MAPT: variants seen among roughly 807,000 people sequenced by gnomAD.
MAPT encodes microtubule associated protein tau.
MAPT carries 34 observed loss-of-function variants against 67.9 expected under a neutral mutation model. The ratio of observed to expected loss-of-function variants is 0.50; its 90% CI spans 0.38 to 0.67. The LOEUF is 0.67. MAPT is among the 30% of genes least tolerant of loss of function. MAPT has a pLI of 0.00. For missense variants in MAPT, 881 were observed against 1,115.2 expected, an observed-to-expected ratio of 0.79 and a Z score of 2.99; for synonymous variants, 456 against 464.5, an observed-to-expected ratio of 0.98 and a Z score of 0.23.
At chr17:45,924,083 A>G (rs948185532) in intron 1 of MAPT, among the ~76,000 whole-genome samples, 7 of 152,194 alleles carry the variant, frequency 4.6e-5, no homozygotes, top group Non-Finnish European at 1.0e-4. Flanking sequence ...ACAACCTTAC[A>G]TTTCACAACC....
At chr17:45,922,410 C>T (rs2065827628) in intron 1 of MAPT, among the ~76,000 whole-genome samples, 1 of 151,536 alleles carries the variant, frequency 6.6e-6, no homozygotes, top group Non-Finnish European at 1.5e-5. Context: ...ATGTCTGGCA[C>T]TTCTAATTCA....
intron 1 of MAPT, among the ~76,000 whole-genome samples, chr17:45,946,907 A>G (rs1297808339): frequency 2.0e-5 from 3 of 152,104 alleles, no homozygotes; most frequent in African/African-American, 7.2e-5. Flanking sequence ...ACACAGTGGC[A>G]CCACCTCCTC....
rs1195804704 is a variant in MAPT, at chr17:45,941,717, T to TCCTGCCTTCCTTCCCTCCTG, written c.-17-20601_-17-20600insGCCTTCCTTCCCTCCTGCCT. Reference sequence around the variant, plus strand: ...TTCCTTCCTGCCTGCCTTCCTTCCTTCCTTCCTTCCTTCCTTCCTTCCTTC... The same window carrying TCCTGCCTTCCTTCCCTCCTG: ...TTCCTTCCTGCCTGCCTTCCTTCCTTCCTGCCTTCCTTCCCTCCTGCCTTCCTTCCTTCCTTCCTTCCTTC... On this transcript the variant is annotated intron_variant, in intron 1 of 12. Coordinates refer to ENST00000262410, the MANE Select transcript of MAPT (RefSeq NM_001377265.1). Among the ~76,000 whole-genome samples the TCCTGCCTTCCTTCCCTCCTG allele has an allele frequency of 2.3e-5, 2 of 88,380 alleles. 1 individual carries two copies. The highest frequency in any genetic ancestry group is 4.3e-5 in the Non-Finnish European group (2 of 46,016). 58.0% of individuals were successfully genotyped at this position (88,380 alleles called of 152,430 possible).
chr17:45,908,865 T>C (rs1260055360), intron 1 of MAPT, among the ~76,000 whole-genome samples: 1 of 152,182 alleles, frequency 6.6e-6, no homozygotes, highest in Non-Finnish European at 1.5e-5. Context: ...CCCACCCTAG[T>C]TTCTGTTTTA....
At position 45,990,133 on chromosome 17, in the gene MAPT, GGTTT is replaced by G. The variant is rs2073945742; in HGVS notation, c.1605+63_1605+66del. On this transcript the variant is annotated intron_variant, in intron 7 of 12. Transcript: ENST00000262410. ...GCTCTGCTGTGGTTTGCAAATGTGG[GGTTT>G]GTTTATTTGTTTTTTAGCCTCAAAG... The G allele has an allele frequency of 3.3e-6, 5 of 1,520,840 alleles. No individual in the cohort carries two copies. In the South Asian group the frequency reaches 4.5e-5, roughly 14 times the overall value. The allele number at this position is 1,520,840 out of a possible 1,614,324, so 94.2% of individuals were successfully genotyped here. A position where few individuals can be genotyped will look rare whatever the true frequency, so the allele number is the denominator to read the frequency against.
intron 2 of MAPT, among the ~76,000 whole-genome samples, chr17:45,966,795 A>G (rs2071133110): frequency 6.6e-6 from 1 of 152,236 alleles, no homozygotes; most frequent in South Asian, 2.1e-4. Context: ...GTGTGTGTAT[A>G]TATATATGCA....
Position 45,974,483 on chromosome 17 carries a change from C to G in MAPT, c.220+2538C>G, listed in dbSNP as rs368845248. 22 of 1,583,662 alleles carry G rather than the reference C, an allele frequency of 1.4e-5. No individual in the cohort carries two copies. The highest frequency in any genetic ancestry group is 6.8e-5 in the East Asian group (3 of 43,838). ...AGAAGGAACCACAGGTGAGGGTAAG[C>G]CCCAGAGACCCCCAGGCAGTCAAGG... On this transcript the variant is annotated intron_variant, in intron 3 of 12. Transcript: ENST00000262410.
chr17:45,919,074 AAAAAAG>A (rs1179436964), intron 1 of MAPT, among the ~76,000 whole-genome samples: 1 of 151,896 alleles, frequency 6.6e-6, no homozygotes, highest in Non-Finnish European at 1.5e-5. Context: ...TAAAAAAAAA[AAAAAAG>A]AAAAGAAAAA....
rs900377471 is a variant in MAPT, at chr17:46,010,060, C to A, written c.1999-250C>A. Among the ~76,000 whole-genome samples the A allele has an allele frequency of 6.6e-6, 1 of 152,196 alleles. No homozygotes were observed. Among genetic ancestry groups the A allele is most frequent in the Non-Finnish European group, 1.5e-5 (1 of 68,034 alleles). ...TGCAATCCCAGCTTCGTAAAGCCCG[C>A]TGGAAATCACTCACACTTCTGGGAT... On this transcript the variant is annotated intron_variant, in intron 9 of 12. Coordinates refer to ENST00000262410, the MANE Select transcript of MAPT (RefSeq NM_001377265.1). The surrounding 1 kb of genome is among the most constrained non-coding windows in gnomAD (Gnocchi z 4.7).
At chr17:45,978,284 G>A (rs2072587367) in intron 3 of MAPT, 91 bp from the exon 4 acceptor site, 1 of 1,027,580 alleles carries the variant, frequency 9.7e-7, no homozygotes, top group Non-Finnish European at 1.5e-6. Context: ...AATGTTTAAG[G>A]GAAAATGCCC....
At chr17:45,941,879 G>A (rs1227903159) in intron 1 of MAPT, among the ~76,000 whole-genome samples, 1 of 151,972 alleles carries the variant, frequency 6.6e-6, no homozygotes, top group East Asian at 1.9e-4. Flanking sequence ...TGTTCTTGGG[G>A]CCCAGAACCT....
chr17:45,996,606 A>G lies in MAPT; in HGVS notation c.1940A>G (p.Asn647Ser). The G allele has an allele frequency of 3.7e-6, 6 of 1,613,934 alleles. No individual in the cohort carries two copies. Among genetic ancestry groups the G allele is most frequent in the Non-Finnish European group, 5.1e-6 (6 of 1,179,938 alleles). ...TAPVPMPDLK[N>S]VKSKIGSTEN... is the part of the protein sequence containing the mutation. ...CCCGTGCCCATGCCAGACCTGAAGA[A>G]TGTCAAGTCCAAGATCGGCTCCACT... Residue 647 changes from asparagine (N) to serine (S), a missense_variant, in exon 9 of 13, where the codon AAT becomes AGT. Asn to Ser is a conservative substitution (Grantham distance 46). Around this residue, in one of 6 missense-constraint regions of MAPT, gnomAD observed 45 missense variants for 43.2 expected, o/e 1.04. Transcript: ENST00000262410. The surrounding 1 kb of genome is among the most constrained non-coding windows in gnomAD (Gnocchi z 4.5).
At position 45,915,829 on chromosome 17, in the gene MAPT, T is replaced by C. The variant is rs1201578336; in HGVS notation, c.-18+21143T>C. 6.6e-6 allele frequency among the ~76,000 whole-genome samples: 1 copy of C among 152,162 alleles called. No individual in the cohort carries two copies. The highest frequency in any genetic ancestry group is 1.5e-5 in the Non-Finnish European group (1 of 68,022). On this transcript the variant is annotated intron_variant, in intron 1 of 12. Coordinates refer to ENST00000262410, the MANE Select transcript of MAPT (RefSeq NM_001377265.1). This position sits in a 1 kb window ranked among gnomAD's most constrained non-coding sequence, Gnocchi z 4.4. ...ATGAGACCTCGGTGGACATGTTCCC[T>C]GAGGTGAGGCTGACTGATGTCATTT...
chr17:46,014,147 C>T, intron 10 of MAPT, 96 bp from the exon 11 acceptor site: 1 of 759,472 alleles, frequency 1.3e-6, no homozygotes, highest in Non-Finnish European at 2.3e-6. Context: ...CATTGAGTTA[C>T]ACCCTTAATA....
At chr17:45,914,545 G>A (rs1279762967) in intron 1 of MAPT, among the ~76,000 whole-genome samples, 1 of 152,184 alleles carries the variant, frequency 6.6e-6, no homozygotes, top group Non-Finnish European at 1.5e-5. Flanking sequence ...TCCTCTGCGT[G>A]CAAGGAAGGC....
chr17:45,947,288 G>T (rs1332352111), intron 1 of MAPT, among the ~76,000 whole-genome samples: 1 of 151,940 alleles, frequency 6.6e-6, no homozygotes, highest in African/African-American at 2.4e-5. Flanking sequence ...TCAAAGTTGG[G>T]GACCAGCTGC....
chr17:45,919,016 C>T (rs1372447001), intron 1 of MAPT, among the ~76,000 whole-genome samples: 4 of 150,874 alleles, frequency 2.7e-5, no homozygotes, highest in Non-Finnish European at 5.9e-5. Context: ...GAGCCAAGAT[C>T]GCCCCACTGC....
intron 1 of MAPT, among the ~76,000 whole-genome samples, chr17:45,914,622 C>T (rs796539516): frequency 3.3e-5 from 5 of 152,288 alleles, no homozygotes; most frequent in African/African-American, 1.2e-4. Flanking sequence ...AATGCAGTTT[C>T]AGTGGTGGCC....
chr17:45,964,562 T>C (rs1334282127), intron 2 of MAPT, among the ~76,000 whole-genome samples: 1 of 151,712 alleles, frequency 6.6e-6, no homozygotes, highest in Non-Finnish European at 1.5e-5. Context: ...CATGCACCTA[T>C]AGTCCCAGCT....
Sources: gnomAD v4.1 joint callset for allele counts (sites outside exome capture counted in the v4.1 genomes callset) on GRCh38, gnomAD v4.1.1 for gene constraint, gnomAD v4.1.1 regional missense constraint, Gnocchi (gnomAD v3.1) non-coding constraint, MANE v1.5 for transcripts, NCBI Gene and HGNC (gene_info 2026-07-23, HGNC 2026-07-21) for gene names.